Variants in DLG2 observed in about 807,000 individuals in gnomAD.
DLG2 encodes the protein discs large MAGUK scaffold protein 2.
DLG2 carries 45 observed loss-of-function variants against 132.5 expected under a neutral mutation model. The ratio of observed to expected loss-of-function variants is 0.34; its 90% CI spans 0.27 to 0.44. The LOEUF is 0.44. Among genes scored for constraint, DLG2 ranks in the 20% least tolerant of loss-of-function variants. The pLI, the probability that DLG2 is intolerant of heterozygous loss-of-function variation, is 1.00. For missense variants in DLG2, 1,045 were observed against 1,196.9 expected (o/e 0.87, Z 1.87); for synonymous variants, 424 against 419.6 (o/e 1.01, Z -0.13).
At chr11:85,069,130 A>G (rs2065384459) in intron 6 of DLG2, among the ~76,000 whole-genome samples, 2 of 151,856 alleles carry the variant, frequency 1.3e-5, no homozygotes, top group African/African-American at 4.8e-5. Flanking sequence ...TCCCCTCCTT[A>G]CACTTTATAC....
chr11:83,571,182 A>G (rs1383583148), intron 19 of DLG2, among the ~76,000 whole-genome samples: 1 of 151,926 alleles, frequency 6.6e-6, no homozygotes, highest in Non-Finnish European at 1.5e-5. Flanking sequence ...AAACCTGGCT[A>G]TTTACTATAT....
At chr11:83,970,329 CAGACCACGAGGAAAATTTTT>C (rs1326212905) in intron 12 of DLG2, among the ~76,000 whole-genome samples, 1 of 152,102 alleles carries the variant, frequency 6.6e-6, no homozygotes, top group African/African-American at 2.4e-5. Flanking sequence ...ACAGAGTCTT[CAGACCACGAGGAAAATTTTT>C]AGACCATAAA....
intron 17 of DLG2, among the ~76,000 whole-genome samples, chr11:83,812,407 TGTGCCA>T (rs1184263118): frequency 5.3e-5 from 8 of 152,152 alleles, no homozygotes; most frequent in Non-Finnish European, 8.8e-5. Flanking sequence ...ACATCTACAA[TGTGCCA>T]GGGGCTGTGT....
At chr11:84,727,687 G>A (rs555371431) in intron 6 of DLG2, among the ~76,000 whole-genome samples, 1 of 152,212 alleles carries the variant, frequency 6.6e-6, no homozygotes, top group African/African-American at 2.4e-5. Context: ...ATTACTTTGG[G>A]CAGTATGGCC....
intron 12 of DLG2, among the ~76,000 whole-genome samples, chr11:83,973,534 T>C (rs181334817): frequency 6.6e-6 from 1 of 152,042 alleles, no homozygotes; most frequent in Admixed American, 6.6e-5. Flanking sequence ...TTTTAGCCAA[T>C]TGCAGGTAAT....
At chr11:84,366,904 G>A (rs560968226) in intron 7 of DLG2, among the ~76,000 whole-genome samples, 147 of 152,082 alleles carry the variant, frequency 9.7e-4, no homozygotes, top group African/African-American at 3.2e-3. Flanking sequence ...ACAGATCAAC[G>A]AGACAGAAAG....
intron 11 of DLG2, among the ~76,000 whole-genome samples, chr11:84,035,481 A>T (rs563769361): frequency 2.1e-4 from 32 of 152,336 alleles, no homozygotes; most frequent in African/African-American, 7.5e-4. Flanking sequence ...AGAATAGCCA[A>T]CTACAAAAGC....
At chr11:84,903,908 T>C (rs1447727988) in intron 6 of DLG2, among the ~76,000 whole-genome samples, 2 of 152,108 alleles carry the variant, frequency 1.3e-5, no homozygotes, top group Non-Finnish European at 2.9e-5. Flanking sequence ...GTAAAAAAGT[T>C]TTACAGATAA....
chr11:84,995,014 C>G (rs1191591861), intron 6 of DLG2, among the ~76,000 whole-genome samples: 4 of 152,118 alleles, frequency 2.6e-5, no homozygotes, highest in Non-Finnish European at 4.4e-5. Flanking sequence ...CTAGGAGACC[C>G]ATGCTAAGAA....
chr11:84,965,784 T>C (rs887714969), intron 6 of DLG2, among the ~76,000 whole-genome samples: 1 of 151,938 alleles, frequency 6.6e-6, no homozygotes, highest in African/African-American at 2.4e-5. Context: ...GCAGTCAAAT[T>C]AAATAGGAGA....
rs1009509587 is a variant in DLG2, at chr11:85,134,698, A to G, written c.282+19858T>C. Reference sequence around the variant, plus strand: ...ATAAATGAATGTCTCAGAAACTGACATGTCATTATTTTACCCAAATGAGAG... The same window carrying G: ...ATAAATGAATGTCTCAGAAACTGACGTGTCATTATTTTACCCAAATGAGAG... On this transcript the variant is annotated intron_variant, in intron 5 of 27. Coordinates refer to ENST00000376104, the MANE Select transcript of DLG2 (RefSeq NM_001142699.3). Among the ~76,000 whole-genome samples the G allele has an allele frequency of 2.6e-5, 4 of 152,134 alleles. No homozygotes were observed. In the East Asian group the frequency reaches 7.7e-4, roughly 29 times the overall value.
intron 6 of DLG2, among the ~76,000 whole-genome samples, chr11:84,991,183 T>C (rs1307355248): frequency 6.6e-6 from 1 of 151,920 alleles, no homozygotes; most frequent in Non-Finnish European, 1.5e-5. Context: ...CGATCGGTGG[T>C]TGCCAGAGAT....
At chr11:84,917,173 T>A (rs1168017705) in intron 6 of DLG2, among the ~76,000 whole-genome samples, 1 of 152,202 alleles carries the variant, frequency 6.6e-6, no homozygotes, top group Non-Finnish European at 1.5e-5. Context: ...CACCTAGGTC[T>A]GTGCCTGACC....
chr11:84,970,416 C>T (rs1451452528), intron 6 of DLG2, among the ~76,000 whole-genome samples: 1 of 152,100 alleles, frequency 6.6e-6, no homozygotes, highest in Non-Finnish European at 1.5e-5. Flanking sequence ...CTGTCTTAGT[C>T]CATTTGGGCT....
intron 18 of DLG2, among the ~76,000 whole-genome samples, chr11:83,725,846 A>T (rs890451430): frequency 6.6e-6 from 1 of 152,174 alleles, no homozygotes; most frequent in Non-Finnish European, 1.5e-5. Flanking sequence ...CGGAGCTCAG[A>T]CATTTTCACT....
intron 3 of DLG2, among the ~76,000 whole-genome samples, chr11:85,536,673 G>A (rs919661361): frequency 2.6e-5 from 4 of 152,390 alleles, no homozygotes; most frequent in Middle Eastern, 3.4e-3. Flanking sequence ...AGGCCAGTGC[G>A]GGTTCCAGGT....
chr11:84,171,041 G>A (rs185983782), intron 8 of DLG2, among the ~76,000 whole-genome samples: 14 of 152,158 alleles, frequency 9.2e-5, no homozygotes, highest in East Asian at 3.9e-4. Context: ...ATCACTTTCC[G>A]TCTTGGCTCC....
At chr11:84,719,186 C>T (rs1173742392) in intron 6 of DLG2, among the ~76,000 whole-genome samples, 1 of 152,166 alleles carries the variant, frequency 6.6e-6, no homozygotes, top group Non-Finnish European at 1.5e-5. Flanking sequence ...TGAGCACTAT[C>T]CATGAAGTTC....
intron 6 of DLG2, among the ~76,000 whole-genome samples, chr11:84,801,108 G>C (rs2075315236): frequency 6.6e-6 from 1 of 152,092 alleles, no homozygotes; most frequent in Admixed American, 6.6e-5. Flanking sequence ...TCCTCCAAGT[G>C]TCTCAAATAT....
Sources: gnomAD v4.1 joint callset for allele counts (sites outside exome capture counted in the v4.1 genomes callset) on GRCh38, gnomAD v4.1.1 for gene constraint, MANE v1.5 for transcripts, NCBI Gene and HGNC (gene_info 2026-07-23, HGNC 2026-07-21) for gene names.